TMEM260: variants seen among roughly 807,000 people sequenced by gnomAD.
TMEM260 encodes the protein transmembrane protein 260.
A neutral mutation model predicts 88.9 loss-of-function variants in TMEM260; 82 were observed. That is an observed-to-expected ratio of 0.92 (90% CI 0.77 to 1.11). The LOEUF is 1.11. Ranked by LOEUF, TMEM260 falls within the 50% of genes least tolerant of loss-of-function variation. The pLI is 0.00. For missense variants in TMEM260, 902 were observed against 853.4 expected, an observed-to-expected ratio of 1.06 and a Z score of -0.71; for synonymous variants, 314 against 309.3, an observed-to-expected ratio of 1.02 and a Z score of -0.16.
downstream of TMEM260, among the ~76,000 whole-genome samples, chr14:56,653,421 A>G (rs1460266314): frequency 6.6e-6 from 1 of 151,944 alleles, no homozygotes; most frequent in African/African-American, 2.4e-5. Flanking sequence ...AATAAATTTG[A>G]AAGTCACTGG....
chr14:56,650,221 G>C (rs1302895214), downstream of TMEM260: 1 of 377,246 alleles, frequency 2.7e-6, no homozygotes, highest in Non-Finnish European at 5.2e-6. Context: ...AGGAAGACAG[G>C]AACCCCACAA....
the TMEM260 span, among the ~76,000 whole-genome samples, chr14:56,658,569 C>A: frequency 6.6e-6 from 1 of 151,682 alleles, no homozygotes; most frequent in African/African-American, 2.4e-5. Flanking sequence ...TTCACAAATC[C>A]AAATTGAGAG....
intron 6 of TMEM260, among the ~76,000 whole-genome samples, chr14:56,609,955 C>T (rs568315620): frequency 6.6e-6 from 1 of 152,140 alleles, no homozygotes; most frequent in East Asian, 1.9e-4. Context: ...TTGGTTTGTA[C>T]TTTTGTGTCC....
intron 10 of TMEM260, among the ~76,000 whole-genome samples, chr14:56,619,182 A>AT (rs1566555888): frequency 6.6e-6 from 1 of 152,172 alleles, no homozygotes; most frequent in African/African-American, 2.4e-5. Flanking sequence ...GTAAATACTA[A>AT]TTTTTTTGAG....
At chr14:56,630,842 T>G (rs1888544425) in intron 12 of TMEM260, among the ~76,000 whole-genome samples, 1 of 152,216 alleles carries the variant, frequency 6.6e-6, no homozygotes, top group Non-Finnish European at 1.5e-5. Flanking sequence ...AGCAAGCCCT[T>G]GGCCAAGTTA....
intron 15 of TMEM260, among the ~76,000 whole-genome samples, chr14:56,642,001 C>G (rs187102638): frequency 6.6e-6 from 1 of 152,320 alleles, no homozygotes; most frequent in East Asian, 1.9e-4. Context: ...CACCCAGATT[C>G]ATAAAGCAAG....
rs1447231024 is a variant in TMEM260 at position 56,625,502 on chromosome 14, C to CT, written c.1522dup (p.Tyr508LeufsTer5). 6.2e-7 allele frequency: 1 copy of CT among 1,602,764 alleles called. No homozygotes were observed. The highest frequency in any genetic ancestry group is 8.5e-7 in the Non-Finnish European group (1 of 1,172,154). Reference sequence around the variant, plus strand: ...ACCTAGTGGAATGGTCACATTTAATCTTTATCATTTTCTTGAAGTAAATAA... The same window carrying CT: ...ACCTAGTGGAATGGTCACATTTAATCTTTTATCATTTTCTTGAAGTAAATAA... On this transcript the variant is annotated frameshift_variant, in exon 12 of 16. Transcript: ENST00000261556. LOFTEE classifies it high-confidence loss of function.
At chr14:56,638,759 TC>T (rs1889327779) in intron 15 of TMEM260, among the ~76,000 whole-genome samples, 1 of 152,130 alleles carries the variant, frequency 6.6e-6, no homozygotes, top group Non-Finnish European at 1.5e-5. Flanking sequence ...ACTCAATAGC[TC>T]ATACAGAATA....
chr14:56,643,812 T>G (rs1419453862), intron 15 of TMEM260, among the ~76,000 whole-genome samples: 2 of 152,190 alleles, frequency 1.3e-5, no homozygotes, highest in Non-Finnish European at 2.9e-5. Flanking sequence ...TTCAGCAAAG[T>G]CTCAGGATAC....
At chr14:56,610,967 C>CTTTTTTT (rs61185871) in intron 6 of TMEM260, among the ~76,000 whole-genome samples, 2 of 118,004 alleles carry the variant, frequency 1.7e-5, no homozygotes, top group Non-Finnish European at 3.5e-5. Flanking sequence ...TTCTTTCTTT[C>CTTTTTTT]TTTTTTTTTT....
intron 15 of TMEM260, among the ~76,000 whole-genome samples, chr14:56,644,751 C>G (rs117239346): frequency 6.6e-6 from 1 of 151,326 alleles, no homozygotes; most frequent in Non-Finnish European, 1.5e-5. Flanking sequence ...GCAACTTACT[C>G]GACAAAGGGC....
intron 3 of TMEM260, among the ~76,000 whole-genome samples, chr14:56,586,918 G>T (rs917575164): frequency 2.0e-5 from 3 of 151,674 alleles, no homozygotes. Context: ...TGTAACTGTT[G>T]ATCTTTTCCC....
intron 15 of TMEM260, among the ~76,000 whole-genome samples, chr14:56,639,862 A>G (rs1386101899): frequency 6.6e-6 from 1 of 152,228 alleles, no homozygotes; most frequent in African/African-American, 2.4e-5. Context: ...GGAGGGTCCT[A>G]TGCCCACAGA....
chr14:56,628,350 T>C (rs771676925), intron 12 of TMEM260, among the ~76,000 whole-genome samples: 47 of 152,248 alleles, frequency 3.1e-4, no homozygotes, highest in Admixed American at 9.2e-4. Context: ...TGTAAATATT[T>C]TCTCGCAGTT....
At chr14:56,658,213 A>G in the TMEM260 span, among the ~76,000 whole-genome samples, 1 of 152,150 alleles carries the variant, frequency 6.6e-6, no homozygotes, top group Non-Finnish European at 1.5e-5. Context: ...CTTCTGTAGC[A>G]TTCTTGCCAA....
chr14:56,658,698 G>C, the TMEM260 span, among the ~76,000 whole-genome samples: 7 of 152,096 alleles, frequency 4.6e-5, no homozygotes, highest in Non-Finnish European at 1.0e-4. Flanking sequence ...GCTATGTGCA[G>C]TGTGGGATCC....
chr14:56,625,027 C>T (rs1888157467), intron 11 of TMEM260, among the ~76,000 whole-genome samples: 1 of 152,168 alleles, frequency 6.6e-6, no homozygotes, highest in Admixed American at 6.5e-5. Flanking sequence ...TCTAATGCTG[C>T]CACTGATCTG....
At chr14:56,585,705 T>G in intron 2 of TMEM260, 56 bp from the exon 3 acceptor site, 1 of 1,561,762 alleles carries the variant, frequency 6.4e-7, no homozygotes, top group Admixed American at 1.9e-5. Context: ...TTAAGGCCTG[T>G]GGGACTCTTC....
At chr14:56,611,267 G>C (rs562252885) in intron 6 of TMEM260, among the ~76,000 whole-genome samples, 1 of 152,000 alleles carries the variant, frequency 6.6e-6, no homozygotes, top group African/African-American at 2.4e-5. Context: ...CACCCAGCCT[G>C]CCAATTATTA....
Sources: allele counts gnomAD v4.1 joint callset (sites outside exome capture counted in the v4.1 genomes callset), GRCh38; gene constraint gnomAD v4.1.1; transcripts MANE v1.5; gene names NCBI Gene and HGNC (gene_info 2026-07-23, HGNC 2026-07-21).